NAV1: variants seen among roughly 807,000 people sequenced by gnomAD.
NAV1 encodes neuron navigator 1, also known as pore membrane and/or filament interacting like protein 3.
NAV1 carries 18 observed loss-of-function variants against 175.2 expected under a neutral mutation model. The ratio of observed to expected loss-of-function variants is 0.10; its 90% CI spans 0.07 to 0.15. NAV1 has a LOEUF of 0.15. Ranked by LOEUF, NAV1 falls within the 10% of genes least tolerant of loss-of-function variation. The pLI is 1.00. For missense variants in NAV1, 1,731 were observed against 2,436.6 expected, an observed-to-expected ratio of 0.71 and a Z score of 6.10; for synonymous variants, 897 against 978.7, an observed-to-expected ratio of 0.92 and a Z score of 1.56.
chr1:201,705,396 C>G (rs1207458646), intron 1 of NAV1, among the ~76,000 whole-genome samples: 1 of 152,176 alleles, frequency 6.6e-6, no homozygotes, highest in Admixed American at 6.5e-5. Context: ...GTCCTTTAGT[C>G]CTGGCTCTTT....
At chr1:201,622,952 G>A (rs772813188) in exon 1 of NAV1, 9 of 986,192 alleles carry the variant, frequency 9.1e-6, no homozygotes, top group Non-Finnish European at 9.6e-6. Flanking sequence ...CCGGTGCCTC[G>A]TGCCTCTTCC....
Position 201,660,552 on chromosome 1 carries a change from G to T in NAV1, c.757+11127G>T, listed in dbSNP as rs200230972. On this transcript the variant is annotated intron_variant, in intron 1 of 29. Transcript: ENST00000367296. ...TTGGAAGGGAACACTTAGCCCCTGA[G>T]ACTCTAATCGAGGCCATGCACTCCA... 2.6e-5 allele frequency among the ~76,000 whole-genome samples: 4 copies of T among 152,300 alleles called. No homozygotes were observed. The East Asian group carries it at 7.7e-4, about 29-fold the overall frequency.
chr1:201,548,697 A>G (rs1020851822), intron 1 of NAV1, among the ~76,000 whole-genome samples: 7 of 152,244 alleles, frequency 4.6e-5, no homozygotes, highest in African/African-American at 1.7e-4. Flanking sequence ...AAGTGTTAGA[A>G]AACAAGAAAC....
chr1:201,713,109 C>G (rs1671981769), intron 2 of NAV1, among the ~76,000 whole-genome samples, 190 bp downstream of exon 6: 2 of 152,198 alleles, frequency 1.3e-5, no homozygotes, highest in African/African-American at 4.8e-5. Context: ...TGTCTTCTGT[C>G]TGCTTGTGCC....
intron 1 of NAV1, among the ~76,000 whole-genome samples, chr1:201,659,599 G>A (rs1669531310): frequency 6.6e-6 from 1 of 152,132 alleles, no homozygotes; most frequent in Non-Finnish European, 1.5e-5. Flanking sequence ...CAGCCTGGGT[G>A]ACAGAGCAAG....
intron 1 of NAV1, among the ~76,000 whole-genome samples, chr1:201,542,233 C>T (rs1665534856): frequency 6.6e-6 from 1 of 152,264 alleles, no homozygotes; most frequent in East Asian, 1.9e-4. Context: ...CCTAGCGTTT[C>T]CATCTCAGCA....
At chr1:201,736,771 C>T (rs959445748) in intron 3 of NAV1, among the ~76,000 whole-genome samples, 2 of 152,046 alleles carry the variant, frequency 1.3e-5, no homozygotes, top group African/African-American at 4.8e-5. Flanking sequence ...GAAGAGAAGC[C>T]CCACAGGAGC....
At chr1:201,606,183 G>T (rs895252353) in intron 2 of NAV1, among the ~76,000 whole-genome samples, 2 of 152,202 alleles carry the variant, frequency 1.3e-5, no homozygotes, top group Admixed American at 1.3e-4. Context: ...AGCTGGAGCA[G>T]GTCAGAGCAC....
intron 17 of NAV1, among the ~76,000 whole-genome samples, chr1:201,805,646 G>C (rs1342740722): frequency 1.3e-5 from 2 of 152,168 alleles, no homozygotes; most frequent in Non-Finnish European, 2.9e-5. Context: ...CCATTGACTG[G>C]GCACAGTGGC....
chr1:201,730,268 A>G (rs573552685), intron 3 of NAV1, among the ~76,000 whole-genome samples: 1 of 152,346 alleles, frequency 6.6e-6, no homozygotes, highest in East Asian at 1.9e-4. Context: ...TGAATTAGAC[A>G]TTCTTCCCCC....
At chr1:201,716,420 G>A (rs543352568) in intron 2 of NAV1, among the ~76,000 whole-genome samples, 51 of 152,328 alleles carry the variant, frequency 3.3e-4, no homozygotes, top group Admixed American at 1.6e-3. Flanking sequence ...CTGAAATACC[G>A]TGGTGAGTGA....
At chr1:201,771,299 T>C (rs182381080) in intron 3 of NAV1, among the ~76,000 whole-genome samples, 240 of 147,024 alleles carry the variant, frequency 1.6e-3, no homozygotes, top group African/African-American at 4.8e-3. Context: ...TCACCTGAGG[T>C]CAGGAGTTCA....
In NAV1 at chr1:201,623,683, G is replaced by A. The variant is rs185520862; in HGVS notation, c.-101+77G>A. 7,332 of 985,266 alleles carry A rather than the reference G, an allele frequency of 7.4e-3. 30 individuals carry two copies. Among genetic ancestry groups the A allele is most frequent in the Admixed American group, 0.014 (222 of 16,288 alleles). 61.0% of individuals were successfully genotyped at this position (985,266 alleles called of 1,614,324 possible). A position where few individuals can be genotyped will look rare whatever the true frequency, so the allele number is the denominator to read the frequency against. On this transcript the variant is annotated intron_variant, in intron 1 of 29. Coordinates refer to the NAV1 transcript ENST00000367302. ...AAGGGGCAAGCCGGAAGAGGACAGG[G>A]ACCCTGGTGATCAGTGGCTGGTAAA...
rs545197812 is a variant in NAV1 at position 201,713,642 on chromosome 1, G to A, written c.860+723G>A. 1.8e-4 allele frequency among the ~76,000 whole-genome samples: 27 copies of A among 152,322 alleles called. 1 individual carries two copies. In the South Asian group the frequency reaches 2.9e-3, roughly 16 times the overall value. ...TGAGCTCATGCTGTCAGCTCCAAGTGGGGCAGAGGGCTGGGCTAAGCTCTG... is the reference window on the plus strand; with the variant it reads ...TGAGCTCATGCTGTCAGCTCCAAGTAGGGCAGAGGGCTGGGCTAAGCTCTG... On this transcript the variant is annotated intron_variant, in intron 2 of 29. Coordinates refer to ENST00000367296, the Ensembl canonical transcript of NAV1.
At chr1:201,578,506 C>G (rs1240505469) in intron 1 of NAV1, among the ~76,000 whole-genome samples, 1 of 152,140 alleles carries the variant, frequency 6.6e-6, no homozygotes, top group African/African-American at 2.4e-5. Context: ...CTGTGGGAAG[C>G]AGGAAGGGTG....
chr1:201,589,781 C>T (rs768154318), intron 2 of NAV1, among the ~76,000 whole-genome samples: 6 of 152,186 alleles, frequency 3.9e-5, no homozygotes, highest in African/African-American at 1.4e-4. Flanking sequence ...CGTGAGCCAC[C>T]GTGCCCGGCC....
rs1678418159 is a variant in NAV1 at position 201,808,089 on chromosome 1, A to G, written c.3785A>G (p.Glu1262Gly). 6.2e-7 allele frequency: 1 copy of G among 1,614,014 alleles called. No individual in the cohort carries two copies. The highest frequency in any genetic ancestry group is 1.3e-5 in the African/African-American group (1 of 74,914). ...CCCAAACTACAGCATGGTTCTACAG[A>G]GACTGCTTCACCCTCCATCAAGTCC... The change falls in exon 18 of 30, where the codon GAG (glutamate) becomes GGG (glycine). Residue 1262 changes from glutamate to glycine, a missense_variant. Physicochemically the swap from Glu to Gly is moderately conservative, Grantham distance 98. This residue lies in a region of NAV1 where 146 missense variants were observed against 176.8 expected (regional missense o/e 0.83). Transcript: ENST00000367296. The surrounding 1 kb of genome is among the most constrained non-coding windows in gnomAD (Gnocchi z 5.5).
intron 1 of NAV1, among the ~76,000 whole-genome samples, chr1:201,707,009 C>T (rs917344954): frequency 6.6e-6 from 1 of 152,120 alleles, no homozygotes; most frequent in Admixed American, 6.5e-5. Flanking sequence ...CTGAGGTTCA[C>T]GATACTCCAC....
rs1260291485 is a variant in NAV1, at chr1:201,788,229, T to A, written c.2996-239T>A. On this transcript the variant is annotated intron_variant, in intron 9 of 29. Transcript: ENST00000367296. The surrounding 1 kb of genome is among the most constrained non-coding windows in gnomAD (Gnocchi z 5.7). ...GGCAGGGTTGAGGGAAGGTCTTTAT[T>A]CCAGACAGCAGGGTCCTTCTCCATT... is the stretch of plus-strand genomic sequence containing the variant. Among the ~76,000 whole-genome samples the A allele has an allele frequency of 6.6e-6, 1 of 152,110 alleles. No individual in the cohort carries two copies. The highest frequency in any genetic ancestry group is 1.5e-5 in the Non-Finnish European group (1 of 68,012).
Sources: allele counts gnomAD v4.1 joint callset (sites outside exome capture counted in the v4.1 genomes callset), GRCh38; gene constraint gnomAD v4.1.1; regional missense constraint gnomAD v4.1.1; non-coding constraint Gnocchi (gnomAD v3.1); transcripts MANE v1.5; gene names NCBI Gene and HGNC (gene_info 2026-07-23, HGNC 2026-07-21).